Variants in DSCAML1 observed in about 807,000 individuals in gnomAD.
DSCAML1 encodes the protein DS cell adhesion molecule like 1.
In DSCAML1, 38 loss-of-function variants were observed where a neutral mutation model predicts 200.5. That is an observed-to-expected ratio of 0.19 (90% CI 0.15 to 0.25). The LOEUF (loss-of-function observed/expected upper bound fraction) is 0.25. DSCAML1 is among the 10% of genes least tolerant of loss of function. The probability of loss-of-function intolerance (pLI) is 1.00; values close to 1 mark genes in which losing one functional copy is unlikely to be tolerated. For synonymous variants in DSCAML1, 1,215 were observed against 1,165.0 expected (o/e 1.04, Z -0.87); for missense variants, 2,223 against 2,858.8 (o/e 0.78, Z 5.07).
At chr11:117,813,842 C>G (rs1009653945) in intron 1 of DSCAML1, among the ~76,000 whole-genome samples, 3 of 152,196 alleles carry the variant, frequency 2.0e-5, no homozygotes, top group Admixed American at 2.0e-4. Context: ...TTCACCGCCC[C>G]AACACTTCAA....
intron 3 of DSCAML1, among the ~76,000 whole-genome samples, chr11:117,576,091 G>C (rs1180496529): frequency 6.6e-6 from 1 of 152,146 alleles, no homozygotes; most frequent in Non-Finnish European, 1.5e-5. Flanking sequence ...TATATCTGCA[G>C]AGCCTGGGCT....
At chr11:117,523,589 A>T (rs997747046) in intron 5 of DSCAML1, among the ~76,000 whole-genome samples, 4 of 152,152 alleles carry the variant, frequency 2.6e-5, no homozygotes, top group African/African-American at 9.7e-5. Flanking sequence ...CTGTAGATAA[A>T]CACACTCCAA....
chr11:117,658,592 G>A (rs572270021), intron 3 of DSCAML1, among the ~76,000 whole-genome samples: 4 of 152,280 alleles, frequency 2.6e-5, no homozygotes, highest in African/African-American at 9.6e-5. Context: ...TGGATCCATG[G>A]GTCAGGAGAG....
chr11:117,451,583 G>C (rs1185929046), intron 19 of DSCAML1, among the ~76,000 whole-genome samples: 1 of 152,164 alleles, frequency 6.6e-6, no homozygotes. Flanking sequence ...CAGCACTTTG[G>C]GAAGCCAAGG....
upstream of DSCAML1, among the ~76,000 whole-genome samples, chr11:117,800,421 T>A (rs1186020057): frequency 1.3e-5 from 2 of 152,260 alleles, no homozygotes; most frequent in African/African-American, 4.8e-5. Flanking sequence ...AATATATTCA[T>A]GCCAGAGTGA....
intron 3 of DSCAML1, among the ~76,000 whole-genome samples, chr11:117,640,324 G>A (rs907181571): frequency 6.6e-6 from 1 of 152,186 alleles, no homozygotes; most frequent in Non-Finnish European, 1.5e-5. Flanking sequence ...TGACGTGCTG[G>A]GAGAACCCTG....
intron 3 of DSCAML1, among the ~76,000 whole-genome samples, chr11:117,549,943 C>CATATGAGT (rs1451014399): frequency 1.3e-5 from 2 of 152,184 alleles, no homozygotes; most frequent in Non-Finnish European, 2.9e-5. Flanking sequence ...AACATGTGAA[C>CATATGAGT]ATATGAGTAT....
intron 8 of DSCAML1, among the ~76,000 whole-genome samples, chr11:117,511,972 G>C (rs11216434): frequency 3.0e-4 from 45 of 152,352 alleles, no homozygotes; most frequent in African/African-American, 1.1e-3. Context: ...GCTGCTGTTC[G>C]CAGCTTAGTG....
At chr11:117,668,024 T>G (rs1377673057) in intron 3 of DSCAML1, among the ~76,000 whole-genome samples, 1 of 152,258 alleles carries the variant, frequency 6.6e-6, no homozygotes, top group Non-Finnish European at 1.5e-5. Context: ...CGCATTATTA[T>G]GCACTGAGGG....
chr11:117,760,766 T>C (rs1452959132), intron 3 of DSCAML1, among the ~76,000 whole-genome samples: 1 of 152,196 alleles, frequency 6.6e-6, no homozygotes, highest in East Asian at 1.9e-4. Context: ...CCTGTCACCA[T>C]AGCCAAGTTC....
chr11:117,458,873 T>A lies in DSCAML1; in HGVS notation c.3449A>T (p.Glu1150Val), dbSNP rs1320234178. The A allele has an allele frequency of 6.2e-7, 1 of 1,613,886 alleles. No homozygotes were observed. Among genetic ancestry groups the A allele is most frequent in the Non-Finnish European group, 8.5e-7 (1 of 1,180,022 alleles). Residue 1150 changes from glutamate to valine, a missense_variant, in exon 19 of 33, where the codon GAG becomes GTG. Transcript: ENST00000651296. ...CTCCATGCCCCGCAGCTCCACCCGC[T>A]CCCGCGTGGTGGTGATGTTCTGCAT... ...GEMQNITTTR[E>V]RVELRGMEKF...
At chr11:117,816,383 C>T (rs964351587) in intron 1 of DSCAML1, among the ~76,000 whole-genome samples, 1 of 152,240 alleles carries the variant, frequency 6.6e-6, no homozygotes, top group Non-Finnish European at 1.5e-5. Flanking sequence ...GCCGAGCTGC[C>T]GTGGCATTTG....
chr11:117,453,743 TTTC>T (rs1484867504), intron 19 of DSCAML1, among the ~76,000 whole-genome samples: 8 of 141,044 alleles, frequency 5.7e-5, no homozygotes, highest in East Asian at 2.5e-4. Flanking sequence ...TCTTTCTTTC[TTTC>T]TTTTTTTTTT....
At chr11:117,778,682 A>T (rs1360940471) in intron 2 of DSCAML1, among the ~76,000 whole-genome samples, 1 of 152,258 alleles carries the variant, frequency 6.6e-6, no homozygotes, top group African/African-American at 2.4e-5. Context: ...TTGTGAAAAC[A>T]CATGTATAGA....
chr11:117,498,846 TAAAC>T lies in DSCAML1; in HGVS notation c.2359+4995_2359+4998del, dbSNP rs1192035186. Among the ~76,000 whole-genome samples, 1 of 152,144 alleles carries T rather than the reference TAAAC, an allele frequency of 6.6e-6. No homozygotes were observed. Among genetic ancestry groups the T allele is most frequent in the African/African-American group, 2.4e-5 (1 of 41,438 alleles). On this transcript the variant is annotated intron_variant, in intron 11 of 32. Coordinates refer to ENST00000651296, the MANE Select transcript of DSCAML1 (RefSeq NM_020693.4). This position sits in a 1 kb window ranked among gnomAD's most constrained non-coding sequence, Gnocchi z 4.0. ...TATTTTAATTGGTCTGACATTTTGC[TAAAC>T]AAATAAATCAAAACTCAGACCAAAC... is the stretch of plus-strand genomic sequence containing the variant.
chr11:117,680,356 C>T (rs949846344), intron 3 of DSCAML1, among the ~76,000 whole-genome samples: 4 of 152,230 alleles, frequency 2.6e-5, no homozygotes, highest in African/African-American at 9.6e-5. Flanking sequence ...GCCCCTGTAG[C>T]CCTGAGGGAC....
At chr11:117,684,435 T>TAAAAAAAAAAAAAAAAAAA (rs149958154) in intron 3 of DSCAML1, among the ~76,000 whole-genome samples, 1 of 74,594 alleles carries the variant, frequency 1.3e-5, no homozygotes, top group African/African-American at 4.2e-5. Flanking sequence ...TTTCATTAAC[T>TAAAAAAAAAAAAAAAAAAA]AAAAAAAAAA....
At position 117,505,409 on chromosome 11, in the gene DSCAML1, A is replaced by G. The variant is rs754692841; in HGVS notation, c.2062+45T>C. On this transcript the variant is annotated intron_variant, in intron 9 of 32. Coordinates refer to ENST00000651296, the MANE Select transcript of DSCAML1 (RefSeq NM_020693.4). The surrounding 1 kb of genome is among the most constrained non-coding windows in gnomAD (Gnocchi z 6.7). ...TCTAGAGACTGCAGTAGCAGCAGGC[A>G]GAATGGGCTCCTCCCTCCCCTGAGG... 7 of 1,588,476 alleles carry G rather than the reference A, an allele frequency of 4.4e-6. No individual in the cohort carries two copies. In the Admixed American group the frequency reaches 1.2e-4, roughly 27 times the overall value.
chr11:117,486,507 G>A (rs1419158426), intron 11 of DSCAML1, among the ~76,000 whole-genome samples: 15 of 152,194 alleles, frequency 9.9e-5, no homozygotes, highest in Non-Finnish European at 1.5e-5. Context: ...AAAGGCGCAT[G>A]TCTCAGGCAA....
Sources: gnomAD v4.1 joint callset for allele counts (sites outside exome capture counted in the v4.1 genomes callset) on GRCh38, gnomAD v4.1.1 for gene constraint, Gnocchi (gnomAD v3.1) non-coding constraint, MANE v1.5 for transcripts, NCBI Gene and HGNC (gene_info 2026-07-23, HGNC 2026-07-21) for gene names.